Variants in EPHX1 observed in about 807,000 individuals in gnomAD.
The protein encoded by EPHX1 is epoxide hydrolase 1.
In EPHX1, 40 loss-of-function variants were observed where a neutral mutation model predicts 43.2. The observed-to-expected ratio is 0.93, with a 90% confidence interval of 0.72 to 1.21. The LOEUF is 1.21. Ranked by LOEUF, EPHX1 falls within the 50% of genes most tolerant of loss-of-function variation. EPHX1 has a pLI of 0.00. For synonymous variants in EPHX1, 221 were observed against 226.7 expected (o/e 0.98, Z 0.22); for missense variants, 550 against 570.4 (o/e 0.96, Z 0.36).
chr1:225,825,340 G>A (rs3738040), intron 1 of EPHX1: 11,100 of 152,288 alleles, frequency 0.073, 577 homozygotes, highest in East Asian at 0.22. Flanking sequence ...CCTGCAGCCT[G>A]CCCTGCCTCT....
chr1:225,842,587 T>C, intron 7 of EPHX1, 113 bp downstream of exon 7: 12 of 835,720 alleles, frequency 1.4e-5, no homozygotes, highest in Non-Finnish European at 2.5e-5. Flanking sequence ...CAAATTCTAT[T>C]GTTGGCTTTC....
intron 3 of EPHX1, among the ~76,000 whole-genome samples, chr1:225,833,655 T>G (rs1206574960): frequency 6.7e-6 from 1 of 149,766 alleles, no homozygotes. Flanking sequence ...ATTAGCCAGG[T>G]GTGGTGGCGG....
At position 225,831,907 on chromosome 1, in the gene EPHX1, G is replaced by A. The variant is rs750685152; in HGVS notation, c.312G>A (p.Lys104=). 1.2e-6 allele frequency: 2 copies of A among 1,614,184 alleles called. No individual in the cohort carries two copies. Among genetic ancestry groups the A allele is most frequent in the Non-Finnish European group, 1.7e-6 (2 of 1,180,042 alleles). ...ISYWRNEFDW[K]KQVEILNRYP... is the part of the protein sequence containing the mutation. ...ACTGGCGGAATGAATTTGACTGGAA[G>A]AAGCAGGTGGAGATTCTCAACAGAT... The change falls in exon 3 of 9, where the codon AAG becomes AAA. Residue 104 remains lysine, a synonymous_variant. Transcript: ENST00000272167.
rs765592929 is a variant in EPHX1 at position 225,838,885 on chromosome 1, C to T, written c.592+4C>T. On this transcript the variant is annotated splice_donor_region_variant and intron_variant, in intron 4 of 8. Coordinates refer to ENST00000272167, the MANE Select transcript of EPHX1 (RefSeq NM_001136018.4). Reference sequence around the variant, plus strand: ...TCAGAGGCATCCTCCAAGAAGGGTACGGGGCTGCTAGAGGTTCCATAACTG... The same window carrying T: ...TCAGAGGCATCCTCCAAGAAGGGTATGGGGCTGCTAGAGGTTCCATAACTG... 1.1e-5 allele frequency: 18 copies of T among 1,613,434 alleles called. No individual in the cohort carries two copies. Among genetic ancestry groups the T allele is most frequent in the African/African-American group, 8.0e-5 (6 of 74,916 alleles).
chr1:225,815,416 T>TTTTTTC, intron 1 of EPHX1, among the ~76,000 whole-genome samples: 1 of 75,924 alleles, frequency 1.3e-5, no homozygotes, highest in African/African-American at 4.2e-5. Flanking sequence ...ATTTTCTTTT[T>TTTTTTC]TTTTTTTTTT....
At chr1:225,836,142 G>A (rs1343332955) in intron 3 of EPHX1, among the ~76,000 whole-genome samples, 1 of 152,328 alleles carries the variant, frequency 6.6e-6, no homozygotes, top group East Asian at 1.9e-4. Context: ...AGTTTGAACT[G>A]TCACAGCCAA....
At chr1:225,843,788 C>T (rs1216989478) in intron 7 of EPHX1, among the ~76,000 whole-genome samples, 1 of 152,230 alleles carries the variant, frequency 6.6e-6, no homozygotes, top group African/African-American at 2.4e-5. Flanking sequence ...AAGCACTTGG[C>T]CAACTTGCAG....
rs189463608 is a variant in EPHX1 at position 225,815,942 on chromosome 1, A to G, written c.-6+5773A>G. ...GGGAAGGAACTCCGGTAAGTGTGTT[A>G]TATGATCTGCTCCTATTATCCCCTG... On this transcript the variant is annotated intron_variant, in intron 1 of 8. Coordinates refer to ENST00000272167, the MANE Select transcript of EPHX1 (RefSeq NM_001136018.4). 1.1e-3 allele frequency among the ~76,000 whole-genome samples: 171 copies of G among 152,310 alleles called. No individual in the cohort carries two copies. The Middle Eastern group carries it at 0.014, about 12-fold the overall frequency.
intron 1 of EPHX1, among the ~76,000 whole-genome samples, chr1:225,816,207 T>G (rs374284513): frequency 1.3e-5 from 2 of 152,144 alleles, no homozygotes; most frequent in South Asian, 2.1e-4. Flanking sequence ...GCATGAGAAT[T>G]GCTTGAATCT....
At position 225,845,190 on chromosome 1, in the gene EPHX1, A is replaced by G; in HGVS notation, c.1211A>G (p.Glu404Gly). ...ACTGGCTTCTCTGCCTTCCCTTTTG[A>G]GCTATTGCACACGCCTGAAAAGTGG... ...VPTGFSAFPFELLHTPEKWVR... is the reference protein window; with the variant it reads ...VPTGFSAFPFGLLHTPEKWVR... The change falls in exon 9 of 9, where the codon GAG (glutamate) becomes GGG (glycine). Residue 404 changes from glutamate (E) to glycine (G), a missense_variant. Coordinates refer to ENST00000272167, the MANE Select transcript of EPHX1 (RefSeq NM_001136018.4). The G allele has an allele frequency of 3.1e-6, 5 of 1,613,878 alleles. No individual in the cohort carries two copies. The highest frequency in any genetic ancestry group is 4.2e-6 in the Non-Finnish European group (5 of 1,179,970).
At position 225,839,144 on chromosome 1, in the gene EPHX1, T is replaced by A; in HGVS notation, c.593-73T>A. ...GGGTAGGCGGGCCTGAGAAATTTCATAGAACACCAGAGGGCCCAAGGAGCA... is the reference window on the plus strand; with the variant it reads ...GGGTAGGCGGGCCTGAGAAATTTCAAAGAACACCAGAGGGCCCAAGGAGCA... On this transcript the variant is annotated intron_variant, in intron 4 of 8. Coordinates refer to ENST00000272167, the MANE Select transcript of EPHX1 (RefSeq NM_001136018.4). The A allele has an allele frequency of 5.0e-6, 8 of 1,609,286 alleles. No homozygotes were observed. The South Asian group carries it at 8.8e-5, about 18-fold the overall frequency.
intron 3 of EPHX1, among the ~76,000 whole-genome samples, chr1:225,835,644 C>T (rs1216409999): frequency 6.6e-6 from 1 of 151,844 alleles, no homozygotes; most frequent in Non-Finnish European, 1.5e-5. Context: ...CTGCCTCAGC[C>T]TCCCAAAGTG....
In EPHX1 at chr1:225,845,195, T is replaced by C. The variant is rs2234700; in HGVS notation, c.1216T>C (p.Leu406=). 3.0e-3 allele frequency: 4,819 copies of C among 1,614,128 alleles called. 119 individuals carry two copies. In the African/African-American group the frequency reaches 0.051, roughly 17 times the overall value. Residue 406 remains leucine (L), a synonymous_variant, in exon 9 of 9, where the codon TTG becomes CTG. Transcript: ENST00000272167. ...CTTCTCTGCCTTCCCTTTTGAGCTA[T>C]TGCACACGCCTGAAAAGTGGGTGAG... The part of the protein sequence containing the change: ...TGFSAFPFEL[L]HTPEKWVRFK...
chr1:225,839,870 G>T lies in EPHX1; in HGVS notation c.764G>T (p.Ser255Ile). 6.2e-7 allele frequency: 1 copy of T among 1,614,180 alleles called. No homozygotes were observed. The highest frequency in any genetic ancestry group is 1.3e-5 in the African/African-American group (1 of 75,052). The change falls in exon 6 of 9, where the codon AGC becomes ATC. Residue 255 changes from serine (S) to isoleucine (I), a missense_variant. Physicochemically the swap from Ser to Ile is moderately radical, Grantham distance 142. Transcript: ENST00000272167. The part of the protein sequence containing the change: ...GLHLNMALVL[S>I]NFSTLTLLLG... The stretch of plus-strand genomic sequence containing the variant: ...CACTTGAACATGGCTTTGGTTTTAA[G>T]CAACTTCTCTACCCTGACCCTCCTC...
chr1:225,828,872 TC>T lies in EPHX1; in HGVS notation c.145del (p.Arg49AlafsTer42). On this transcript the variant is annotated frameshift_variant, in exon 2 of 9. Coordinates refer to ENST00000272167, the MANE Select transcript of EPHX1 (RefSeq NM_001136018.4). LOFTEE classifies it high-confidence loss of function. Reference sequence around the variant, plus strand: ...TCCGCAGCCAGGGAGGACGACAGCATCCGCCCTTTCAAGGTGGAAACGTCAG... The same window carrying T: ...TCCGCAGCCAGGGAGGACGACAGCATCGCCCTTTCAAGGTGGAAACGTCAG... ...TRSAAREDDS[I>X]RPFKVETSDE... The T allele has an allele frequency of 6.2e-7, 1 of 1,601,314 alleles. No individual in the cohort carries two copies. Among genetic ancestry groups the T allele is most frequent in the Non-Finnish European group, 8.5e-7 (1 of 1,172,552 alleles).
intron 2 of EPHX1, 21 bp downstream of exon 2, chr1:225,828,933 C>A (rs912868886): frequency 1.3e-6 from 2 of 1,555,358 alleles, no homozygotes; most frequent in Non-Finnish European, 1.7e-6. Context: ...TTGGGCCGGG[C>A]CGGGCTGGGC....
At position 225,828,773 on chromosome 1, in the gene EPHX1, TCTA is replaced by T; in HGVS notation, c.47_49del (p.Tyr16del). ...CTCACTTCAGTGCTGGGCTTTGCCA[TCTA>T]CTGGTTCATCTCCCGGGACAAAGAG... On this transcript the variant is annotated inframe_deletion, in exon 2 of 9. Transcript: ENST00000272167. 1.9e-6 allele frequency: 3 copies of T among 1,613,756 alleles called. No homozygotes were observed. The highest frequency in any genetic ancestry group is 2.5e-6 in the Non-Finnish European group (3 of 1,179,982).
intron 1 of EPHX1, among the ~76,000 whole-genome samples, chr1:225,824,515 T>C (rs1667134404): frequency 6.6e-6 from 1 of 152,232 alleles, no homozygotes; most frequent in African/African-American, 2.4e-5. Flanking sequence ...GCATGTACCA[T>C]GGATTACATT....
chr1:225,842,829 A>AT (rs1668540882), intron 7 of EPHX1, among the ~76,000 whole-genome samples: 1 of 152,234 alleles, frequency 6.6e-6, no homozygotes, highest in African/African-American at 2.4e-5. Context: ...AGAGCCTGGC[A>AT]TCAGGGTCAC....
Sources: gnomAD v4.1 joint callset for allele counts (sites outside exome capture counted in the v4.1 genomes callset) on GRCh38, gnomAD v4.1.1 for gene constraint, MANE v1.5 for transcripts, NCBI Gene and HGNC (gene_info 2026-07-23, HGNC 2026-07-21) for gene names.